The following DLG2 variants were observed in gnomAD, a reference collection of about 807,000 sequenced individuals.
DLG2 encodes the protein disks large homolog 2.
DLG2 carries 45 observed loss-of-function variants against 132.5 expected under a neutral mutation model. The ratio of observed to expected loss-of-function variants is 0.34; its 90% CI spans 0.27 to 0.44. The LOEUF is 0.44. Ranked by LOEUF, DLG2 falls within the 20% of genes least tolerant of loss-of-function variation. The pLI is 1.00. For missense variants in DLG2, 1,045 were observed against 1,196.9 expected, an observed-to-expected ratio of 0.87 and a Z score of 1.87; for synonymous variants, 424 against 419.6, an observed-to-expected ratio of 1.01 and a Z score of -0.13.
intron 7 of DLG2, among the ~76,000 whole-genome samples, chr11:84,459,802 T>C (rs1044758634): frequency 6.6e-6 from 1 of 150,646 alleles, no homozygotes; most frequent in African/African-American, 2.4e-5. Context: ...TTGGCCCATA[T>C]CTTGAGTTTT....
chr11:85,450,725 T>A (rs1212165771), intron 3 of DLG2, among the ~76,000 whole-genome samples: 4 of 152,200 alleles, frequency 2.6e-5, no homozygotes, highest in Non-Finnish European at 5.9e-5. Context: ...CGCACAAAGA[T>A]AAAACTTAGC....
intron 7 of DLG2, among the ~76,000 whole-genome samples, chr11:84,427,416 G>A (rs191909494): frequency 6.6e-6 from 1 of 152,180 alleles, no homozygotes; most frequent in Admixed American, 6.5e-5. Context: ...TTTGCTCAAG[G>A]TCACCCAACC....
chr11:84,093,550 C>T (rs1258393644), intron 10 of DLG2, among the ~76,000 whole-genome samples: 1 of 152,174 alleles, frequency 6.6e-6, no homozygotes, highest in Non-Finnish European at 1.5e-5. Context: ...ATAGGAGTGA[C>T]ATCTCATCAT....
intron 9 of DLG2, among the ~76,000 whole-genome samples, chr11:84,126,519 G>C (rs568713819): frequency 1.3e-5 from 2 of 152,072 alleles, no homozygotes; most frequent in Non-Finnish European, 2.9e-5. Context: ...ACAAAATATT[G>C]ATGGGTTGTA....
intron 7 of DLG2, among the ~76,000 whole-genome samples, chr11:84,277,919 T>C (rs1455648255): frequency 1.3e-5 from 2 of 152,124 alleles, no homozygotes; most frequent in Non-Finnish European, 2.9e-5. Context: ...TGTAGGTATA[T>C]ATTTATTTAT....
rs982239141 is a variant in DLG2, at chr11:84,834,036, A to G, written c.357+277625T>C. On this transcript the variant is annotated intron_variant, in intron 6 of 27. Transcript: ENST00000376104. ...AGTTTAAGGGCATTTCCTTCATAAA[A>G]TAATAAATACACTTCTCTGGATAGA... Among the ~76,000 whole-genome samples the G allele has an allele frequency of 2.0e-5, 3 of 151,720 alleles. No individual in the cohort carries two copies. The South Asian group carries it at 6.2e-4, about 31-fold the overall frequency.
chr11:85,082,551 T>C (rs2067369793), intron 6 of DLG2, among the ~76,000 whole-genome samples: 1 of 152,084 alleles, frequency 6.6e-6, no homozygotes, highest in Non-Finnish European at 1.5e-5. Flanking sequence ...AAGTTGCACC[T>C]TTATATGAGT....
At chr11:83,907,036 T>C (rs942085975) in intron 15 of DLG2, among the ~76,000 whole-genome samples, 5 of 152,100 alleles carry the variant, frequency 3.3e-5, no homozygotes, top group Admixed American at 6.6e-5. Flanking sequence ...AGAGGAAGAA[T>C]CAGAAAAAGA....
At chr11:83,633,382 G>T in intron 18 of DLG2, 57 bp from the exon 19 acceptor site, 1 of 1,427,630 alleles carries the variant, frequency 7.0e-7, no homozygotes, top group Non-Finnish European at 9.8e-7. Flanking sequence ...AGTTGGAAAT[G>T]CTGCACAGCC....
intron 6 of DLG2, among the ~76,000 whole-genome samples, chr11:84,979,422 G>C (rs2055399058): frequency 6.6e-6 from 1 of 152,170 alleles, no homozygotes; most frequent in South Asian, 2.1e-4. Context: ...GTCCATCAAT[G>C]ATAGACTGGA....
chr11:83,915,943 A>G (rs1391851892), intron 15 of DLG2, among the ~76,000 whole-genome samples: 3 of 152,174 alleles, frequency 2.0e-5, no homozygotes, highest in Non-Finnish European at 4.4e-5. Context: ...TTATGACTCT[A>G]CAGATTTATT....
chr11:85,140,173 T>A (rs2076374036), intron 5 of DLG2, among the ~76,000 whole-genome samples: 1 of 152,020 alleles, frequency 6.6e-6, no homozygotes. Flanking sequence ...TTTGTGTATA[T>A]GCCCAGAAGA....
At chr11:83,614,585 G>T (rs1367514144) in intron 19 of DLG2, among the ~76,000 whole-genome samples, 1 of 151,946 alleles carries the variant, frequency 6.6e-6, no homozygotes, top group Non-Finnish European at 1.5e-5. Context: ...CAAGCCTGGT[G>T]GTGCATACCT....
At chr11:84,843,362 A>G (rs968684634) in intron 6 of DLG2, among the ~76,000 whole-genome samples, 14 of 151,910 alleles carry the variant, frequency 9.2e-5, no homozygotes, top group Non-Finnish European at 2.1e-4. Flanking sequence ...CTTACTCACT[A>G]TATGACTGTT....
intron 19 of DLG2, among the ~76,000 whole-genome samples, chr11:83,587,314 A>C (rs2097102598): frequency 6.6e-6 from 1 of 151,796 alleles, no homozygotes; most frequent in African/African-American, 2.4e-5. Flanking sequence ...TCTGTCACAC[A>C]GGCTAGAGTA....
intron 11 of DLG2, among the ~76,000 whole-genome samples, chr11:84,041,900 A>T (rs2096093279): frequency 1.3e-5 from 2 of 151,872 alleles, no homozygotes; most frequent in Admixed American, 1.3e-4. Context: ...ATAGTGAATG[A>T]GTCTCATGAG....
chr11:83,572,765 C>T (rs2096819067), intron 19 of DLG2, among the ~76,000 whole-genome samples: 1 of 152,162 alleles, frequency 6.6e-6, no homozygotes, highest in South Asian at 2.1e-4. Flanking sequence ...GCAACTCACT[C>T]TTTGTTGGAT....
intron 3 of DLG2, among the ~76,000 whole-genome samples, chr11:85,493,757 A>G (rs2093613524): frequency 7.3e-6 from 1 of 137,466 alleles, no homozygotes; most frequent in South Asian, 2.8e-4. Context: ...AAAGAGAGAC[A>G]GAGAAAGAGA....
chr11:85,222,707 T>C (rs1333573106), intron 4 of DLG2, among the ~76,000 whole-genome samples: 1 of 152,224 alleles, frequency 6.6e-6, no homozygotes, highest in Admixed American at 6.5e-5. Flanking sequence ...GTTCTTGAGA[T>C]AGAAAATAAA....
Sources: gnomAD v4.1 joint callset for allele counts (sites outside exome capture counted in the v4.1 genomes callset) on GRCh38, gnomAD v4.1.1 for gene constraint, MANE v1.5 for transcripts, NCBI Gene and HGNC (gene_info 2026-07-23, HGNC 2026-07-21) for gene names.